MFSD6: variants seen among roughly 807,000 people sequenced by gnomAD.
MFSD6 encodes the protein major facilitator superfamily domain-containing protein 6.
MFSD6 carries 26 observed loss-of-function variants against 56.3 expected under a neutral mutation model. The ratio of observed to expected loss-of-function variants is 0.46; its 90% CI spans 0.34 to 0.64. The LOEUF (loss-of-function observed/expected upper bound fraction) is 0.64, where lower values mean the gene tolerates loss of function less well. MFSD6 is among the 30% of genes least tolerant of loss of function. MFSD6 has a pLI of 0.01. For synonymous variants in MFSD6, 331 were observed against 366.9 expected, an observed-to-expected ratio of 0.90 and a Z score of 1.12; for missense variants, 750 against 986.2, an observed-to-expected ratio of 0.76 and a Z score of 3.21.
chr2:190,483,342 T>C (rs922855093), intron 4 of MFSD6, among the ~76,000 whole-genome samples: 2 of 152,196 alleles, frequency 1.3e-5, no homozygotes, highest in African/African-American at 4.8e-5. Context: ...AGCTCTGAAC[T>C]TGGACACCTT....
chr2:190,437,656 T>C lies in MFSD6; in HGVS notation c.1532+95T>C. On this transcript the variant is annotated intron_variant, in intron 3 of 7. Coordinates refer to ENST00000392328, the MANE Select transcript of MFSD6 (RefSeq NM_017694.4). This position sits in a 1 kb window ranked among gnomAD's most constrained non-coding sequence, Gnocchi z 5.9. Reference sequence around the variant, plus strand: ...CTACTACAATTTTAAGGTATTATAATTTGTGTTGAGGATAGGGTTGGAGTG... The same window carrying C: ...CTACTACAATTTTAAGGTATTATAACTTGTGTTGAGGATAGGGTTGGAGTG... 1 of 1,415,814 alleles carries C rather than the reference T, an allele frequency of 7.1e-7. No individual in the cohort carries two copies. Among genetic ancestry groups the C allele is most frequent in the Non-Finnish European group, 9.5e-7 (1 of 1,051,688 alleles). 87.7% of individuals were successfully genotyped at this position (1,415,814 alleles called of 1,614,324 possible). A position where few individuals can be genotyped will look rare whatever the true frequency, so the allele number is the denominator to read the frequency against.
chr2:190,460,740 G>A (rs1687285576), intron 3 of MFSD6, among the ~76,000 whole-genome samples: 1 of 152,210 alleles, frequency 6.6e-6, no homozygotes, highest in South Asian at 2.1e-4. Flanking sequence ...GGTGAGAGCT[G>A]AAGAATATCA....
intron 2 of MFSD6, among the ~76,000 whole-genome samples, chr2:190,430,682 G>A (rs1031060199): frequency 5.9e-5 from 9 of 151,508 alleles, no homozygotes; most frequent in African/African-American, 1.9e-4. Context: ...CCACAAAACC[G>A]CCATTGTCAT....
rs1687440368 is a variant in MFSD6, at chr2:190,463,580, G to C, written c.1533-6178G>C. On this transcript the variant is annotated intron_variant, in intron 3 of 7. Transcript: ENST00000392328. The surrounding 1 kb of genome is among the most constrained non-coding windows in gnomAD (Gnocchi z 4.4). Reference sequence around the variant, plus strand: ...CATGCCTATAATCCCAGCAACTTTGGGAGGCTGAGATAGGAGGATTGCTTG... The same window carrying C: ...CATGCCTATAATCCCAGCAACTTTGCGAGGCTGAGATAGGAGGATTGCTTG... 6.6e-6 allele frequency among the ~76,000 whole-genome samples: 1 copy of C among 152,200 alleles called. No homozygotes were observed. The highest frequency in any genetic ancestry group is 6.5e-5 in the Admixed American group (1 of 15,274).
rs1686628205 is a variant in MFSD6, at chr2:190,447,516, A to C, written c.1532+9955A>C. ...AGTCTGTGTCATAGCACATATGAAA[A>C]AATGACCTACCTAGTGATATAAAGA... is the stretch of plus-strand genomic sequence containing the variant. On this transcript the variant is annotated intron_variant, in intron 3 of 7. Transcript: ENST00000392328. The surrounding 1 kb of genome is among the most constrained non-coding windows in gnomAD (Gnocchi z 4.5). Among the ~76,000 whole-genome samples, 1 of 152,232 alleles carries C rather than the reference A, an allele frequency of 6.6e-6. No homozygotes were observed. The highest frequency in any genetic ancestry group is 2.4e-5 in the African/African-American group (1 of 41,458).
chr2:190,486,365 G>A (rs1689009070), intron 4 of MFSD6, among the ~76,000 whole-genome samples: 1 of 152,160 alleles, frequency 6.6e-6, no homozygotes, highest in South Asian at 2.1e-4. Flanking sequence ...AATACGTTAG[G>A]GGAGCCCTCT....
In MFSD6 at chr2:190,491,097, T is replaced by C. The variant is rs971748848; in HGVS notation, c.1891+1231T>C. Among the ~76,000 whole-genome samples, 4 of 152,226 alleles carry C rather than the reference T, an allele frequency of 2.6e-5. No homozygotes were observed. Among genetic ancestry groups the C allele is most frequent in the Non-Finnish European group, 4.4e-5 (3 of 68,040 alleles). On this transcript the variant is annotated intron_variant, in intron 6 of 7. Transcript: ENST00000392328. The surrounding 1 kb of genome is among the most constrained non-coding windows in gnomAD (Gnocchi z 4.2). ...GTATGGACTTGAATATCTTTGCTAT[T>C]AATCACAAAAAAATTTAAAATCATT... is the stretch of plus-strand genomic sequence containing the variant.
chr2:190,437,164 A>G lies in MFSD6; in HGVS notation c.1135A>G (p.Met379Val). The G allele has an allele frequency of 6.2e-7, 1 of 1,614,206 alleles. No homozygotes were observed. The highest frequency in any genetic ancestry group is 8.5e-7 in the Non-Finnish European group (1 of 1,180,026). Residue 379 changes from methionine (M) to valine (V), a missense_variant, in exon 3 of 8, where the codon ATG becomes GTG. Transcript: ENST00000392328. This position sits in a 1 kb window ranked among gnomAD's most constrained non-coding sequence, Gnocchi z 5.9. ...QIVFIVFGVL[M>V]TMALIVATQF... ...CGTCTTCATCGTCTTCGGCGTTCTC[A>G]TGACCATGGCCTTGATCGTTGCCAC...
At chr2:190,450,505 T>TTC (rs1292913609) in intron 3 of MFSD6, among the ~76,000 whole-genome samples, 1 of 144,778 alleles carries the variant, frequency 6.9e-6, no homozygotes, top group Non-Finnish European at 1.5e-5. Flanking sequence ...TTTTTTTTTT[T>TTC]TTTTGAGACA....
intron 2 of MFSD6, among the ~76,000 whole-genome samples, chr2:190,420,396 CA>C (rs1302238924): frequency 6.6e-6 from 1 of 151,966 alleles, no homozygotes; most frequent in Non-Finnish European, 1.5e-5. Flanking sequence ...TTAATCCCAT[CA>C]AAAAGGTCCT....
intron 2 of MFSD6, among the ~76,000 whole-genome samples, chr2:190,430,861 T>A (rs1685958320): frequency 6.9e-6 from 1 of 144,756 alleles, no homozygotes; most frequent in Non-Finnish European, 1.5e-5. Flanking sequence ...CCCACCTCCC[T>A]CCCGGACGGG....
rs145614522 is a variant in MFSD6, at chr2:190,477,527, A to G, written c.1630+7672A>G. 6 of 209,684 alleles carry G rather than the reference A, an allele frequency of 2.9e-5. No individual in the cohort carries two copies. In the East Asian group the frequency reaches 1.1e-3, roughly 39 times the overall value. The allele number at this position is 209,684 out of a possible 1,614,324, so 13.0% of individuals were successfully genotyped here. On this transcript the variant is annotated intron_variant, in intron 4 of 7. Transcript: ENST00000392328. ...AGAACATCCATGAAACGGTTAAAGA[A>G]CAACAGAATAATTTTATAAGAGGAA...
rs2125043094 is a variant in MFSD6 at position 190,433,501 on chromosome 2, A to G, written c.-53-2476A>G. On this transcript the variant is annotated intron_variant, in intron 2 of 7. Coordinates refer to ENST00000392328, the MANE Select transcript of MFSD6 (RefSeq NM_017694.4). This position sits in a 1 kb window ranked among gnomAD's most constrained non-coding sequence, Gnocchi z 4.5. ...AAAATGTTTTTCTTTCACTATTAAG[A>G]AAAACCTGATTTGGAAACTAAATAG... 1 of 152,364 alleles carries G rather than the reference A, an allele frequency of 6.6e-6. No homozygotes were observed. Among genetic ancestry groups the G allele is most frequent in the South Asian group, 2.1e-4 (1 of 4,830 alleles). The allele number at this position is 152,364 out of a possible 1,614,324, so 9.4% of individuals were successfully genotyped here. A position where few individuals can be genotyped will look rare whatever the true frequency, so the allele number is the denominator to read the frequency against.
Position 190,497,685 on chromosome 2 carries a change from G to A in MFSD6, c.2138G>A (p.Arg713Lys), listed in dbSNP as rs762991042. The change falls in exon 7 of 8, where the codon AGA becomes AAA. Residue 713 changes from arginine to lysine, a missense_variant. Arg to Lys is a conservative substitution (Grantham distance 26). This residue lies in a region of MFSD6 where 172 missense variants were observed against 203.9 expected (regional missense o/e 0.84). Transcript: ENST00000392328. The surrounding 1 kb of genome is among the most constrained non-coding windows in gnomAD (Gnocchi z 5.2). ...ATTAAAGAGATGATGCAACTCACAA[G>A]AGACAACCGTGCTTCTGAGATACAG... ...YQIKEMMQLT[R>K]DNRASEIQPL... The A allele has an allele frequency of 1.2e-6, 2 of 1,614,130 alleles. No homozygotes were observed. Among genetic ancestry groups the A allele is most frequent in the Non-Finnish European group, 1.7e-6 (2 of 1,179,970 alleles).
chr2:190,469,643 G>A lies in MFSD6; in HGVS notation c.1533-115G>A. 1.9e-6 allele frequency: 1 copy of A among 513,670 alleles called. No homozygotes were observed. The highest frequency in any genetic ancestry group is 3.0e-6 in the Non-Finnish European group (1 of 338,610). 31.8% of individuals were successfully genotyped at this position (513,670 alleles called of 1,614,324 possible). A position where few individuals can be genotyped will look rare whatever the true frequency, so the allele number is the denominator to read the frequency against. On this transcript the variant is annotated intron_variant, in intron 3 of 7. Transcript: ENST00000392328. The surrounding 1 kb of genome is among the most constrained non-coding windows in gnomAD (Gnocchi z 5.3). ...GCTGGATGATGGGTGGTTTGGGGAA[G>A]GAAAAGGTAGGTAATATTTGCATGT...
At chr2:190,428,482 C>A (rs1222513040) in intron 2 of MFSD6, among the ~76,000 whole-genome samples, 1 of 152,026 alleles carries the variant, frequency 6.6e-6, no homozygotes, top group Non-Finnish European at 1.5e-5. Context: ...GTTGAGCATC[C>A]CTTATTTAAA....
At chr2:190,446,334 C>T (rs777956669) in intron 3 of MFSD6, among the ~76,000 whole-genome samples, 3 of 152,156 alleles carry the variant, frequency 2.0e-5, no homozygotes, top group Non-Finnish European at 2.9e-5. Context: ...CAAGGCTGCA[C>T]AGTTTGGGAA....
At position 190,415,902 on chromosome 2, in the gene MFSD6, C is replaced by T. The variant is rs1244174329; in HGVS notation, c.-54+489C>T. Among the ~76,000 whole-genome samples, 1 of 152,146 alleles carries T rather than the reference C, an allele frequency of 6.6e-6. No individual in the cohort carries two copies. Among genetic ancestry groups the T allele is most frequent in the African/African-American group, 2.4e-5 (1 of 41,432 alleles). On this transcript the variant is annotated intron_variant, in intron 2 of 7. Transcript: ENST00000392328. This position sits in a 1 kb window ranked among gnomAD's most constrained non-coding sequence, Gnocchi z 4.5. ...CATTTCTGTTTAAACTGCCTTGTCT[C>T]GTGTATAGATTGTGCTTTATTTAAC...
In MFSD6 at chr2:190,451,922, A is replaced by G. The variant is rs1686786433; in HGVS notation, c.1532+14361A>G. The stretch of plus-strand genomic sequence containing the variant: ...CTTGGGCAGAGGATTTCTTATTATT[A>G]TTTATCTCACCCTACTTTACAAAGG... On this transcript the variant is annotated intron_variant, in intron 3 of 7. Coordinates refer to ENST00000392328, the MANE Select transcript of MFSD6 (RefSeq NM_017694.4). This position sits in a 1 kb window ranked among gnomAD's most constrained non-coding sequence, Gnocchi z 5.0. 6.6e-6 allele frequency among the ~76,000 whole-genome samples: 1 copy of G among 152,108 alleles called. No individual in the cohort carries two copies. Among genetic ancestry groups the G allele is most frequent in the Non-Finnish European group, 1.5e-5 (1 of 67,998 alleles).
Sources: gnomAD v4.1 joint callset for allele counts (sites outside exome capture counted in the v4.1 genomes callset) on GRCh38, gnomAD v4.1.1 for gene constraint, gnomAD v4.1.1 regional missense constraint, Gnocchi (gnomAD v3.1) non-coding constraint, MANE v1.5 for transcripts, NCBI Gene and HGNC (gene_info 2026-07-23, HGNC 2026-07-21) for gene names.